NR2F1-AS1: variants seen among roughly 807,000 people sequenced by gnomAD.
NR2F1-AS1 encodes NR2F1 regulatory antisense RNA 1.
intron 1 of NR2F1-AS1, among the ~76,000 whole-genome samples, chr5:93,564,936 G>A (rs779574431): frequency 1.3e-4 from 20 of 152,140 alleles, no homozygotes; most frequent in Non-Finnish European, 2.8e-4. Flanking sequence ...AGGACACACA[G>A]TATTGTAACC....
chr5:93,515,422 A>C (rs994813024), intron 4 of NR2F1-AS1, among the ~76,000 whole-genome samples: 6 of 151,866 alleles, frequency 4.0e-5, no homozygotes, highest in African/African-American at 4.8e-5. Context: ...ATGTACCATC[A>C]TTACTTTTTC....
At chr5:93,427,951 C>T (rs566409085) in intron 4 of NR2F1-AS1, among the ~76,000 whole-genome samples, 9 of 151,512 alleles carry the variant, frequency 5.9e-5, no homozygotes, top group African/African-American at 1.7e-4. Context: ...GGAGAGGGAG[C>T]GAGGGAGGAT....
chr5:93,524,820 C>T (rs908875614), intron 4 of NR2F1-AS1, among the ~76,000 whole-genome samples: 1 of 152,136 alleles, frequency 6.6e-6, no homozygotes, highest in Non-Finnish European at 1.5e-5. Context: ...GAGATTTTGT[C>T]ACCACCAGGC....
intron 4 of NR2F1-AS1, among the ~76,000 whole-genome samples, chr5:93,507,919 T>C (rs1751220451): frequency 6.6e-6 from 1 of 152,110 alleles, no homozygotes; most frequent in African/African-American, 2.4e-5. Context: ...TAACAAAATC[T>C]GACTAAAACT....
chr5:93,533,717 T>A (rs1751779293), intron 4 of NR2F1-AS1, among the ~76,000 whole-genome samples: 1 of 152,216 alleles, frequency 6.6e-6, no homozygotes, highest in Non-Finnish European at 1.5e-5. Flanking sequence ...TAGATATTAC[T>A]ATCATTTTCA....
chr5:93,432,932 A>C (rs1490996589), intron 4 of NR2F1-AS1, among the ~76,000 whole-genome samples: 1 of 152,094 alleles, frequency 6.6e-6, no homozygotes, highest in African/African-American at 2.4e-5. Flanking sequence ...TCATTTTATT[A>C]TTTTCCAAAT....
rs1308083801 is a variant in NR2F1-AS1 at position 93,511,438 on chromosome 5, C to A, written n.638+42323G>T. ...GGTCTCTAGCTTGCAAGGAGCAGAT[C>A]ACAGGACTTCTCTGCTAATTCCTCA... On this transcript the variant is annotated intron_variant and non_coding_transcript_variant, in intron 4 of 5. Transcript: ENST00000660523. 4.6e-5 allele frequency among the ~76,000 whole-genome samples: 7 copies of A among 152,164 alleles called. No individual in the cohort carries two copies. The East Asian group carries it at 1.2e-3, about 25-fold the overall frequency.
intron 4 of NR2F1-AS1, among the ~76,000 whole-genome samples, chr5:93,462,265 T>C (rs1291139594): frequency 1.3e-5 from 2 of 152,132 alleles, no homozygotes; most frequent in African/African-American, 2.4e-5. Flanking sequence ...GTTCTTGTGA[T>C]AGTAAGTCTC....
rs1751074938 is a variant in NR2F1-AS1 at position 93,501,344 on chromosome 5, T to C, written n.638+52417A>G. On this transcript the variant is annotated intron_variant and non_coding_transcript_variant, in intron 4 of 5. Coordinates refer to ENST00000660523, the Ensembl canonical transcript of NR2F1-AS1. The stretch of plus-strand genomic sequence containing the variant: ...TTTGTTGTTGTTGTTGTTGTTGTTG[T>C]TGTTTGGGGGAATTTTTTTTTTTTT... 4.5e-5 allele frequency among the ~76,000 whole-genome samples: 5 copies of C among 110,622 alleles called. No individual in the cohort carries two copies. In the Admixed American group the frequency reaches 6.4e-4, roughly 14 times the overall value. The allele number at this position is 110,622 out of a possible 152,430, so 72.6% of individuals were successfully genotyped here.
chr5:93,541,344 C>G (rs1580316806), intron 4 of NR2F1-AS1, among the ~76,000 whole-genome samples: 1 of 152,188 alleles, frequency 6.6e-6, no homozygotes, highest in Admixed American at 6.5e-5. Context: ...TAAATGAGTT[C>G]TCACTATACT....
chr5:93,583,641 A>G (rs2149940389), upstream of NR2F1-AS1: 1 of 151,996 alleles, frequency 6.6e-6, no homozygotes. Flanking sequence ...GCTGAAGAGC[A>G]CTTATTTAAA....
At chr5:93,420,063 G>A (rs1385451813) in intron 4 of NR2F1-AS1, among the ~76,000 whole-genome samples, 2 of 152,120 alleles carry the variant, frequency 1.3e-5, no homozygotes, top group African/African-American at 4.8e-5. Context: ...AGGTGTGGTG[G>A]TGCACACCCA....
At chr5:93,427,398 C>A (rs1418229868) in intron 4 of NR2F1-AS1, among the ~76,000 whole-genome samples, 1 of 152,204 alleles carries the variant, frequency 6.6e-6, no homozygotes, top group Non-Finnish European at 1.5e-5. Context: ...TGAGGCTGTT[C>A]TCACATCTCA....
At chr5:93,574,467 G>C (rs990309747) in intron 1 of NR2F1-AS1, among the ~76,000 whole-genome samples, 1 of 152,098 alleles carries the variant, frequency 6.6e-6, no homozygotes, top group Non-Finnish European at 1.5e-5. Flanking sequence ...TCATGACCCT[G>C]GGCCACCACA....
At chr5:93,547,606 TATC>T (rs1392054338) in intron 4 of NR2F1-AS1, among the ~76,000 whole-genome samples, 5 of 152,194 alleles carry the variant, frequency 3.3e-5, no homozygotes, top group African/African-American at 1.2e-4. Context: ...AATAAAAAGA[TATC>T]ATAATTCTGT....
chr5:93,431,901 C>G (rs2149847062), intron 4 of NR2F1-AS1, among the ~76,000 whole-genome samples: 1 of 152,182 alleles, frequency 6.6e-6, no homozygotes, highest in African/African-American at 2.4e-5. Context: ...TCATAACTGT[C>G]AGTGAGCTGA....
At chr5:93,514,283 A>G (rs954723676) in intron 4 of NR2F1-AS1, among the ~76,000 whole-genome samples, 1 of 152,148 alleles carries the variant, frequency 6.6e-6, no homozygotes, top group African/African-American at 2.4e-5. Flanking sequence ...TAAACATGCA[A>G]TAAATTGTTA....
At chr5:93,491,751 T>A (rs1158194604) in intron 4 of NR2F1-AS1, among the ~76,000 whole-genome samples, 2 of 152,210 alleles carry the variant, frequency 1.3e-5, no homozygotes, top group Non-Finnish European at 2.9e-5. Context: ...CTCCTGGTTC[T>A]TGGGCCTTCA....
At chr5:93,525,353 T>C (rs1751589381) in intron 4 of NR2F1-AS1, among the ~76,000 whole-genome samples, 1 of 152,164 alleles carries the variant, frequency 6.6e-6, no homozygotes, top group Non-Finnish European at 1.5e-5. Flanking sequence ...GCACCCAGAT[T>C]CATAAAGCAA....
Sources: allele counts gnomAD v4.1 joint callset (sites outside exome capture counted in the v4.1 genomes callset), GRCh38; gene constraint gnomAD v4.1.1; transcripts MANE v1.5; gene names NCBI Gene and HGNC (gene_info 2026-07-23, HGNC 2026-07-21).